The following CCDC85A variants were observed in gnomAD, a reference collection of about 807,000 sequenced individuals.
The protein encoded by CCDC85A is coiled-coil domain containing 85A, also known as coiled-coil domain-containing protein 85A.
CCDC85A carries 38 observed loss-of-function variants against 50.2 expected under a neutral mutation model. That is an observed-to-expected ratio of 0.76 (90% CI 0.58 to 0.99). The LOEUF is 0.99. Among genes scored for constraint, CCDC85A ranks in the 50% least tolerant of loss-of-function variants. The pLI is 0.00. For synonymous variants in CCDC85A, 366 were observed against 301.4 expected (o/e 1.21, Z -2.22); for missense variants, 820 against 742.0 (o/e 1.11, Z -1.22).
intron 2 of CCDC85A, among the ~76,000 whole-genome samples, chr2:56,317,218 A>T (rs1180803875): frequency 6.6e-6 from 1 of 152,130 alleles, no homozygotes; most frequent in Admixed American, 6.6e-5. Flanking sequence ...GCAAACTTTA[A>T]TGAAAATATG....
chr2:56,324,847 A>T (rs1423409307), intron 2 of CCDC85A, among the ~76,000 whole-genome samples: 2 of 152,072 alleles, frequency 1.3e-5, no homozygotes, highest in East Asian at 3.9e-4. Context: ...TTGGTGTCAG[A>T]CTTGGGCTTA....
At chr2:56,186,139 T>A (rs1676035023) in intron 1 of CCDC85A, among the ~76,000 whole-genome samples, 1 of 152,212 alleles carries the variant, frequency 6.6e-6, no homozygotes, top group Non-Finnish European at 1.5e-5. Flanking sequence ...GTCATTGTCA[T>A]ATAGTCCCTA....
intron 2 of CCDC85A, among the ~76,000 whole-genome samples, chr2:56,337,942 G>T (rs1674159531): frequency 6.6e-6 from 1 of 151,982 alleles, no homozygotes; most frequent in South Asian, 2.1e-4. Flanking sequence ...CTGCCACCAT[G>T]CCCGGCTAAT....
intron 3 of CCDC85A, among the ~76,000 whole-genome samples, chr2:56,356,268 A>T (rs966931092): frequency 6.6e-6 from 1 of 152,234 alleles, no homozygotes; most frequent in Non-Finnish European, 1.5e-5. Context: ...TATTTCTCAC[A>T]AAGAGTTTTA....
intron 5 of CCDC85A, among the ~76,000 whole-genome samples, chr2:56,383,107 A>T (rs1016309150): frequency 1.1e-4 from 17 of 151,958 alleles, no homozygotes; most frequent in Admixed American, 1.1e-3. Context: ...TATGCCATGT[A>T]TTGGTATATG....
chr2:56,343,014 T>C (rs1674453302), intron 3 of CCDC85A, 59 bp downstream of exon 3: 1 of 1,210,902 alleles, frequency 8.3e-7, no homozygotes, highest in Non-Finnish European at 1.2e-6. Flanking sequence ...AGTATTTTAT[T>C]TGGAATTTAA....
chr2:56,316,754 A>G (rs899865318), intron 2 of CCDC85A, among the ~76,000 whole-genome samples: 34 of 152,228 alleles, frequency 2.2e-4, no homozygotes, highest in African/African-American at 7.7e-4. Context: ...ACTGCCCATA[A>G]ATGTTTGCTG....
In CCDC85A at chr2:56,234,420, C is replaced by T. The variant is rs1668911906; in HGVS notation, c.1240+40980C>T. On this transcript the variant is annotated intron_variant, in intron 2 of 5. Transcript: ENST00000407595. The stretch of plus-strand genomic sequence containing the variant: ...GAATAGCCCTTGAATTGAACTGGCT[C>T]CTCTCGAGCTTGCCTAGCTTTTCAT... 2.0e-5 allele frequency among the ~76,000 whole-genome samples: 3 copies of T among 152,184 alleles called. No homozygotes were observed. The South Asian group carries it at 6.2e-4, about 32-fold the overall frequency.
intron 2 of CCDC85A, among the ~76,000 whole-genome samples, chr2:56,249,812 G>C (rs1364409608): frequency 3.9e-5 from 6 of 152,266 alleles, no homozygotes; most frequent in African/African-American, 1.4e-4. Context: ...CTACACCTGG[G>C]CCCTGGGGCA....
At chr2:56,371,363 T>G (rs1274125156) in intron 3 of CCDC85A, among the ~76,000 whole-genome samples, 2 of 152,116 alleles carry the variant, frequency 1.3e-5, no homozygotes, top group East Asian at 3.9e-4. Flanking sequence ...GGACCAGTAC[T>G]ATTCAGATAT....
chr2:56,194,187 T>C (rs1186168531), intron 2 of CCDC85A, among the ~76,000 whole-genome samples: 1 of 152,208 alleles, frequency 6.6e-6, no homozygotes, highest in African/African-American at 2.4e-5. Flanking sequence ...AGTACCTTTT[T>C]AAAATGTACA....
intron 2 of CCDC85A, among the ~76,000 whole-genome samples, chr2:56,205,687 A>AATCTCTG (rs1676931211): frequency 2.0e-5 from 3 of 152,304 alleles, no homozygotes; most frequent in South Asian, 4.1e-4. Flanking sequence ...GCTTTGTATA[A>AATCTCTG]ATCTCTGCAC....
intron 2 of CCDC85A, among the ~76,000 whole-genome samples, chr2:56,206,561 A>C (rs1472072984): frequency 6.6e-6 from 1 of 152,120 alleles, no homozygotes; most frequent in African/African-American, 2.4e-5. Context: ...GAGGGGGCCA[A>C]ACTTGCTTTT....
intron 3 of CCDC85A, among the ~76,000 whole-genome samples, chr2:56,343,453 C>T (rs1674475389): frequency 6.6e-6 from 1 of 152,180 alleles, no homozygotes; most frequent in African/African-American, 2.4e-5. Context: ...CAGCAATTGA[C>T]AGTTTTTGCT....
intron 2 of CCDC85A, among the ~76,000 whole-genome samples, chr2:56,316,403 C>T (rs1286656394): frequency 6.6e-6 from 1 of 152,102 alleles, no homozygotes; most frequent in African/African-American, 2.4e-5. Flanking sequence ...TCTGAGGACC[C>T]ACACAAAGGA....
At chr2:56,367,654 A>G (rs545931295) in intron 3 of CCDC85A, among the ~76,000 whole-genome samples, 1 of 152,214 alleles carries the variant, frequency 6.6e-6, no homozygotes, top group South Asian at 2.1e-4. Context: ...GACAAGTAAA[A>G]ATGTCTGCAG....
intron 2 of CCDC85A, among the ~76,000 whole-genome samples, chr2:56,278,012 G>A (rs1447850225): frequency 6.6e-6 from 1 of 152,176 alleles, no homozygotes; most frequent in Non-Finnish European, 1.5e-5. Context: ...GAACATGGGG[G>A]AGATGAGGCT....
At chr2:56,372,620 G>C in intron 4 of CCDC85A, 142 bp downstream of exon 4, 1 of 993,800 alleles carries the variant, frequency 1.0e-6, no homozygotes. Flanking sequence ...TGGGGAGGGA[G>C]GATGGGAGTA....
Position 56,375,950 on chromosome 2 carries a change from G to A in CCDC85A, c.1572+15G>A. 6.2e-7 allele frequency: 1 copy of A among 1,609,832 alleles called. No individual in the cohort carries two copies. Among genetic ancestry groups the A allele is most frequent in the South Asian group, 1.1e-5 (1 of 90,592 alleles). ...ATTCTCTTAAGGTAACCAATCGTGT[G>A]CAACCATTTATCCAGAGCTTCAGTT... is the stretch of plus-strand genomic sequence containing the variant. On this transcript the variant is annotated intron_variant, in intron 5 of 5. Coordinates refer to ENST00000407595, the MANE Select transcript of CCDC85A (RefSeq NM_001080433.2).
Sources: allele counts gnomAD v4.1 joint callset (sites outside exome capture counted in the v4.1 genomes callset), GRCh38; gene constraint gnomAD v4.1.1; transcripts MANE v1.5; gene names NCBI Gene and HGNC (gene_info 2026-07-23, HGNC 2026-07-21).